MS4A13: variants seen among roughly 807,000 people sequenced by gnomAD.
MS4A13 encodes the protein membrane spanning 4-domains A13.
In MS4A13, 21 loss-of-function variants were observed where a neutral mutation model predicts 18.4. That is an observed-to-expected ratio of 1.14 (90% confidence interval 0.81 to 1.64). The LOEUF (loss-of-function observed/expected upper bound fraction) is 1.64, where lower values mean the gene tolerates loss of function less well. Among genes scored for constraint, MS4A13 ranks in the 40% most tolerant of loss-of-function variants. The pLI is 0.00. For synonymous variants in MS4A13, 62 were observed against 57.2 expected, an observed-to-expected ratio of 1.08 and a Z score of -0.38; for missense variants, 173 against 176.8, an observed-to-expected ratio of 0.98 and a Z score of 0.12.
At chr11:60,521,305 G>T (rs2086672425) in intron 3 of MS4A13, among the ~76,000 whole-genome samples, 1 of 152,178 alleles carries the variant, frequency 6.6e-6, no homozygotes, top group Non-Finnish European at 1.5e-5. Flanking sequence ...TCTGCAGCTG[G>T]CTTAAATTTC....
chr11:60,539,061 C>T lies in MS4A13; in HGVS notation c.403-3458C>T, dbSNP rs192087659. Among the ~76,000 whole-genome samples the T allele has an allele frequency of 7.1e-4, 98 of 138,178 alleles. 1 individual carries two copies. Among genetic ancestry groups the T allele is most frequent in the African/African-American group, 2.5e-3 (93 of 36,952 alleles). The allele number at this position is 138,178 out of a possible 152,430, so 90.7% of individuals were successfully genotyped here. ...CTTAGAAGGGGATTCTTCTCCTGGC[C>T]CTCCAGATAATAGCCCAGGACAGCC... is the stretch of plus-strand genomic sequence containing the variant. On this transcript the variant is annotated intron_variant, in intron 6 of 6. Coordinates refer to ENST00000378186, the MANE Select transcript of MS4A13 (RefSeq NM_001012417.3).
Sources: allele counts gnomAD v4.1 joint callset (sites outside exome capture counted in the v4.1 genomes callset), GRCh38; gene constraint gnomAD v4.1.1; transcripts MANE v1.5; gene names NCBI Gene and HGNC (gene_info 2026-07-23, HGNC 2026-07-21).